Variants in GP2 observed in about 807,000 individuals in gnomAD.
GP2 encodes pancreatic secretory granule membrane major glycoprotein GP2.
GP2 carries 58 observed loss-of-function variants against 60.8 expected under a neutral mutation model. The ratio of observed to expected loss-of-function variants is 0.95; its 90% CI spans 0.77 to 1.19. The LOEUF (loss-of-function observed/expected upper bound fraction) is 1.19. GP2 is among the 50% of genes most tolerant of loss of function. The pLI, the probability that GP2 is intolerant of heterozygous loss-of-function variation, is 0.00. For missense variants in GP2, 647 were observed against 667.4 expected (o/e 0.97, Z 0.34); for synonymous variants, 280 against 253.4 (o/e 1.10, Z -1.00).
intron 5 of GP2, 70 bp downstream of exon 5, chr16:20,320,192 A>C: frequency 3.5e-6 from 4 of 1,147,540 alleles, no homozygotes; most frequent in Non-Finnish European, 5.3e-6. Flanking sequence ...CCAAGATCTC[A>C]GAGCTACTAT....
chr16:20,323,795 C>T (rs765069098), intron 3 of GP2, 21 bp downstream of exon 3: 23 of 1,549,336 alleles, frequency 1.5e-5, no homozygotes, highest in Admixed American at 3.5e-5. Flanking sequence ...TAGCTGCCTC[C>T]TCCAGGGCTC....
At chr16:20,321,195 T>C (rs7185180) in intron 4 of GP2, among the ~76,000 whole-genome samples, 50,355 of 149,408 alleles carry the variant, frequency 0.34, 9,700 homozygotes, top group Non-Finnish European at 0.44. Flanking sequence ...ATTACAGGCA[T>C]GGGATTACAG....
chr16:20,316,107 A>G, intron 8 of GP2, 67 bp from the exon 9 acceptor site: 1 of 992,266 alleles, frequency 1.0e-6, no homozygotes, highest in Non-Finnish European at 1.6e-6. Flanking sequence ...GACTGCTCCT[A>G]CAATGGGCAG....
At chr16:20,318,607 A>G (rs1416328643) in intron 6 of GP2, among the ~76,000 whole-genome samples, 177 bp from the exon 7 acceptor site, 1 of 152,178 alleles carries the variant, frequency 6.6e-6, no homozygotes, top group African/African-American at 2.4e-5. Flanking sequence ...CTTGACAGAC[A>G]AGTCTGTCTC....
At chr16:20,320,525 C>A in intron 4 of GP2, 52 bp from the exon 5 acceptor site, 1 of 1,179,760 alleles carries the variant, frequency 8.5e-7, no homozygotes, top group South Asian at 1.3e-5. Flanking sequence ...TGGAAGCCCA[C>A]TTTCCCTACT....
intron 2 of GP2, chr16:20,326,129 C>T (rs1301803879): frequency 1.7e-6 from 1 of 574,598 alleles, no homozygotes; most frequent in African/African-American, 1.9e-5. Flanking sequence ...TCCCACTGCC[C>T]TTTCAGAGGA....
intron 1 of GP2, 146 bp from the exon 2 acceptor site, chr16:20,326,613 AT>A: frequency 1.5e-6 from 1 of 666,094 alleles, no homozygotes; most frequent in South Asian, 2.0e-5. Context: ...GGGTGATAAA[AT>A]TGACAGTAAG....
At chr16:20,314,017 A>G (rs1403073658) in intron 10 of GP2, among the ~76,000 whole-genome samples, 1 of 152,116 alleles carries the variant, frequency 6.6e-6, no homozygotes, top group African/African-American at 2.4e-5. Flanking sequence ...ATGAATGTCT[A>G]TACAATGAGA....
intron 4 of GP2, 45 bp downstream of exon 4, chr16:20,322,824 C>T (rs761453664): frequency 4.7e-6 from 5 of 1,058,660 alleles, no homozygotes; most frequent in Non-Finnish European, 7.4e-6. Context: ...TCCCTCCTGC[C>T]CTGCCCCCTC....
intron 8 of GP2, among the ~76,000 whole-genome samples, chr16:20,316,959 C>T (rs1308100795): frequency 6.8e-6 from 1 of 147,702 alleles, no homozygotes; most frequent in African/African-American, 2.5e-5. Context: ...CCTTCTCCTT[C>T]CTCGTCCCCT....
intron 4 of GP2, among the ~76,000 whole-genome samples, chr16:20,321,725 C>T (rs1237552066): frequency 6.6e-6 from 1 of 152,044 alleles, no homozygotes; most frequent in Admixed American, 6.5e-5. Flanking sequence ...GGCGCAGGAA[C>T]CTAAAATGAG....
At chr16:20,323,560 A>C in intron 3 of GP2, 1 of 597,284 alleles carries the variant, frequency 1.7e-6, no homozygotes, top group South Asian at 2.1e-5. Flanking sequence ...TGGAGCCAAA[A>C]TCGGAACGAG....
Position 20,327,480 on chromosome 16 carries a change from A to T in GP2, c.-50T>A. On this transcript the variant is annotated 5_prime_UTR_variant, in exon 1 of 11. Coordinates refer to ENST00000302555, the MANE Select transcript of GP2 (RefSeq NM_001502.4). ...AGCAGGACTTACCTCCGATGAGAAC[A>T]CAAAGCGTTCCTCCTCTGGCCAGCC... The T allele has an allele frequency of 7.8e-7, 1 of 1,288,884 alleles. No homozygotes were observed. Among genetic ancestry groups the T allele is most frequent in the Non-Finnish European group, 1.0e-6 (1 of 988,490 alleles). The allele number at this position is 1,288,884 out of a possible 1,614,324, so 79.8% of individuals were successfully genotyped here.
chr16:20,313,261 GTCTCTC>G (rs60247069), intron 10 of GP2, among the ~76,000 whole-genome samples: 2 of 149,544 alleles, frequency 1.3e-5, no homozygotes, highest in African/African-American at 2.5e-5. Context: ...CTGTCTCTCT[GTCTCTC>G]TCTCTCTCTC....
At chr16:20,313,686 G>A (rs1391273779) in intron 10 of GP2, among the ~76,000 whole-genome samples, 1 of 152,196 alleles carries the variant, frequency 6.6e-6, no homozygotes, top group East Asian at 1.9e-4. Context: ...CCAGAGTAAA[G>A]ATTACATTTC....
At chr16:20,318,457 G>T in intron 6 of GP2, 27 bp from the exon 7 acceptor site, 1 of 1,606,802 alleles carries the variant, frequency 6.2e-7, no homozygotes, top group Non-Finnish European at 8.5e-7. Flanking sequence ...CACAAGAGTG[G>T]AAACCTCAGA....
At chr16:20,316,868 A>C (rs1249484930) in intron 8 of GP2, among the ~76,000 whole-genome samples, 17 of 127,872 alleles carry the variant, frequency 1.3e-4, no homozygotes, top group East Asian at 4.6e-4. Context: ...CTCCTCCATC[A>C]CTCCTGTATT....
rs79015968 is a variant in GP2, at chr16:20,320,353, G to A, written c.767C>T (p.Pro256Leu). The A allele has an allele frequency of 1.2e-6, 2 of 1,613,974 alleles. No individual in the cohort carries two copies. The highest frequency in any genetic ancestry group is 1.7e-6 in the Non-Finnish European group (2 of 1,179,860). The change falls in exon 5 of 11, where the codon CCA (proline) becomes CTA (leucine). Residue 256 changes from proline to leucine, a missense_variant. Coordinates refer to ENST00000302555, the MANE Select transcript of GP2 (RefSeq NM_001502.4). ...GEEVIAYLRD[P>L]NCSSILQTEE... The stretch of plus-strand genomic sequence containing the variant: ...TGTCTGCAAGATGCTGCTGCAGTTT[G>A]GGTCTCGCAGGTAGGCAATGACCTC...
At chr16:20,318,559 C>T (rs1596522750) in intron 6 of GP2, 129 bp from the exon 7 acceptor site, 4 of 783,828 alleles carry the variant, frequency 5.1e-6, no homozygotes, top group South Asian at 1.7e-5. Context: ...GTCAATCAGT[C>T]GTTTAAACTG....
Sources: gnomAD v4.1 joint callset for allele counts (sites outside exome capture counted in the v4.1 genomes callset) on GRCh38, gnomAD v4.1.1 for gene constraint, MANE v1.5 for transcripts, NCBI Gene and HGNC (gene_info 2026-07-23, HGNC 2026-07-21) for gene names.